Variants in DNAH2 observed in about 807,000 individuals in gnomAD.
The protein encoded by DNAH2 is dynein axonemal heavy chain 2.
DNAH2 carries 323 observed loss-of-function variants against 523.5 expected under a neutral mutation model. The ratio of observed to expected loss-of-function variants is 0.62; its 90% CI spans 0.56 to 0.68. The LOEUF is 0.68. DNAH2 is among the 30% of genes least tolerant of loss of function. The pLI is 0.00. For missense variants in DNAH2, 4,907 were observed against 5,701.5 expected (o/e 0.86, Z 4.49); for synonymous variants, 2,093 against 2,177.4 (o/e 0.96, Z 1.08).
At chr17:7,757,294 C>A in intron 13 of DNAH2, 57 bp downstream of exon 13, 2 of 1,584,228 alleles carry the variant, frequency 1.3e-6, no homozygotes, top group Non-Finnish European at 1.7e-6. Context: ...CCTTCTTTTT[C>A]TCTTATCTGC....
chr17:7,729,426 G>GGTTT (rs988168862), intron 4 of DNAH2, among the ~76,000 whole-genome samples: 1 of 151,548 alleles, frequency 6.6e-6, no homozygotes, highest in Non-Finnish European at 1.5e-5. Context: ...GAGGAGCCTA[G>GGTTT]GTTTGTTTGT....
At chr17:7,771,244 A>G in intron 27 of DNAH2, 86 bp from the exon 28 acceptor site, 1 of 1,571,314 alleles carries the variant, frequency 6.4e-7, no homozygotes, top group Non-Finnish European at 8.7e-7. Flanking sequence ...CTTCTACCCA[A>G]CTGTCACCCA....
chr17:7,774,940 A>G lies in DNAH2; in HGVS notation c.4683A>G (p.Lys1561=). 1 of 1,614,130 alleles carries G rather than the reference A, an allele frequency of 6.2e-7. No homozygotes were observed. The highest frequency in any genetic ancestry group is 8.5e-7 in the Non-Finnish European group (1 of 1,180,036). Residue 1561 remains lysine (K), a synonymous_variant, in exon 29 of 86, where the codon AAA becomes AAG. Transcript: ENST00000572933. ...AGGCTGTGCAGCCACACCTCAAAAA[A>G]TGCTTTGACAACATCAAGTTGCTGA... ...NPEAVQPHLK[K]CFDNIKLLRI...
Position 7,801,611 on chromosome 17 carries a change from C to A in DNAH2, c.8733C>A (p.Asn2911Lys), listed in dbSNP as rs2077224246. 6.2e-7 allele frequency: 1 copy of A among 1,614,246 alleles called. No individual in the cohort carries two copies. The highest frequency in any genetic ancestry group is 8.5e-7 in the Non-Finnish European group (1 of 1,180,042). ...NWIRQYPALV[N>K]CTTINWFSEW... ...TCCGCCAGTACCCAGCCTTGGTGAA[C>A]TGCACAACCATCAACTGGTTCTCAG... Residue 2911 changes from asparagine to lysine, a missense_variant, in exon 57 of 86, where the codon AAC becomes AAA. Physicochemically the swap from Asn to Lys is moderately conservative, Grantham distance 94 (BLOSUM62 0). This residue lies in a region of DNAH2 where 1,851 missense variants were observed against 2,139.4 expected (regional missense o/e 0.87). Transcript: ENST00000572933.
chr17:7,750,425 GT>G (rs1174541206), intron 12 of DNAH2, among the ~76,000 whole-genome samples: 1 of 152,122 alleles, frequency 6.6e-6, no homozygotes, highest in Non-Finnish European at 1.5e-5. Context: ...TTGATTTCAT[GT>G]TTCCTTTGTC....
rs1459042921 is a variant in DNAH2, at chr17:7,791,936, A to T, written c.6920A>T (p.Glu2307Val). ...PENGVNPADG[E>V]NYVTMVEMTF... is the part of the protein sequence containing the mutation. The stretch of plus-strand genomic sequence containing the variant: ...ATCCAGGTGAACCCAGCTGACGGCG[A>T]GAACTATGTCACCATGGTAGAGATG... Residue 2307 changes from glutamate (E) to valine (V), a missense_variant, in exon 45 of 86, where the codon GAG (glutamate) becomes GTG (valine). Glu to Val is a moderately radical substitution (Grantham distance 121). Transcript: ENST00000572933. The T allele has an allele frequency of 6.2e-7, 1 of 1,613,706 alleles. No homozygotes were observed. Among genetic ancestry groups the T allele is most frequent in the South Asian group, 1.1e-5 (1 of 91,038 alleles).
chr17:7,759,857 T>C lies in DNAH2; in HGVS notation c.2704T>C (p.Ser902Pro), dbSNP rs768036661. 2.5e-6 allele frequency: 4 copies of C among 1,614,196 alleles called. No individual in the cohort carries two copies. In the African/African-American group the frequency reaches 5.3e-5, roughly 22 times the overall value. Residue 902 changes from serine (S) to proline (P), a missense_variant, in exon 17 of 86, where the codon TCC becomes CCC. This residue lies in a region of DNAH2 where 2,806 missense variants were observed against 3,190.8 expected (regional missense o/e 0.88). Coordinates refer to ENST00000572933, the MANE Select transcript of DNAH2 (RefSeq NM_020877.5). ...CAATGACATTGGCAACCACCTCTTT[T>C]CCACCATCTCTGTCTTCTGCCACCT... ...VVNDIGNHLFSTISVFCHLPD... is the reference protein window; with the variant it reads ...VVNDIGNHLFPTISVFCHLPD...
intron 11 of DNAH2, among the ~76,000 whole-genome samples, chr17:7,742,060 T>C (rs548368252): frequency 6.6e-6 from 1 of 152,152 alleles, no homozygotes; most frequent in Non-Finnish European, 1.5e-5. Context: ...TCCAGAGACC[T>C]GGACAGGTGA....
At position 7,759,511 on chromosome 17, in the gene DNAH2, A is replaced by T; in HGVS notation, c.2538A>T (p.Glu846Asp). Reference sequence around the variant, plus strand: ...TGAATGTGAAGTGGTCACTGCTAGAACTATCCAAGGCTATCAACGGGGATG... The same window carrying T: ...TGAATGTGAAGTGGTCACTGCTAGATCTATCCAAGGCTATCAACGGGGATG... ...LRLNVKWSLLELSKAINGDGK... is the reference protein window; with the variant it reads ...LRLNVKWSLLDLSKAINGDGK... The change falls in exon 16 of 86, where the codon GAA becomes GAT. Residue 846 changes from glutamate (E) to aspartate (D), a missense_variant. By Grantham distance (45) the Glu-to-Asp change is conservative. Coordinates refer to ENST00000572933, the MANE Select transcript of DNAH2 (RefSeq NM_020877.5). 6.2e-7 allele frequency: 1 copy of T among 1,614,138 alleles called. No individual in the cohort carries two copies. The highest frequency in any genetic ancestry group is 1.7e-5 in the Admixed American group (1 of 60,010).
chr17:7,735,639 A>G (rs2075119951), intron 7 of DNAH2, among the ~76,000 whole-genome samples: 1 of 150,386 alleles, frequency 6.6e-6, no homozygotes, highest in Non-Finnish European at 1.5e-5. Flanking sequence ...GGATTTTGCT[A>G]TGTTGCCCAG....
Position 7,817,304 on chromosome 17 carries a change from C to T in DNAH2, c.9909C>T (p.Asp3303=). 6.2e-7 allele frequency: 1 copy of T among 1,600,648 alleles called. No individual in the cohort carries two copies. The highest frequency in any genetic ancestry group is 8.5e-7 in the Non-Finnish European group (1 of 1,176,406). ...WEETVQGLEE[D]LGYLVGDCLL... ...CTGTCCGCCAGGGCCTGGAGGAGGACCTGGGCTACCTGGTGGGGGACTGTC... is the reference window on the plus strand; with the variant it reads ...CTGTCCGCCAGGGCCTGGAGGAGGATCTGGGCTACCTGGTGGGGGACTGTC... Residue 3303 remains aspartate (D), a synonymous_variant, in exon 65 of 86, where the codon GAC becomes GAT. Coordinates refer to ENST00000572933, the MANE Select transcript of DNAH2 (RefSeq NM_020877.5).
chr17:7,738,210 G>C, intron 8 of DNAH2: 1 of 658,998 alleles, frequency 1.5e-6, no homozygotes. Flanking sequence ...TGTACACTTT[G>C]TTTAGCCTCT....
chr17:7,737,028 T>C (rs2151144155), intron 7 of DNAH2, 39 bp from the exon 8 acceptor site: 2 of 1,549,160 alleles, frequency 1.3e-6, no homozygotes, highest in South Asian at 1.1e-5. Context: ...CAGTGCTTTC[T>C]AGTGCATAAA....
At chr17:7,773,159 G>A (rs1470684276) in intron 28 of DNAH2, among the ~76,000 whole-genome samples, 1 of 152,192 alleles carries the variant, frequency 6.6e-6, no homozygotes, top group Admixed American at 6.5e-5. Context: ...ATGACAGTAA[G>A]TGAAAGAACT....
chr17:7,719,930 A>C (rs760300220), intron 2 of DNAH2, 30 bp downstream of exon 2: 1 of 1,474,602 alleles, frequency 6.8e-7, no homozygotes, highest in Non-Finnish European at 9.0e-7. Flanking sequence ...GAGGATGCTT[A>C]GCAATGGAGG....
intron 64 of DNAH2, 34 bp from the exon 65 acceptor site, chr17:7,817,256 C>A: frequency 6.3e-7 from 1 of 1,575,984 alleles, no homozygotes; most frequent in Non-Finnish European, 8.6e-7. Context: ...AGTGCTGGGG[C>A]CCAGGCAGGC....
chr17:7,813,218 T>C (rs1475300440), intron 63 of DNAH2, among the ~76,000 whole-genome samples: 2 of 152,044 alleles, frequency 1.3e-5, no homozygotes, highest in African/African-American at 2.4e-5. Flanking sequence ...GACGTGCTTA[T>C]GCCTGTATAC....
chr17:7,719,657 G>A (rs993413272), intron 1 of DNAH2, 64 bp from the exon 2 acceptor site: 15 of 1,587,254 alleles, frequency 9.5e-6, no homozygotes, highest in Non-Finnish European at 1.3e-5. Flanking sequence ...GGGACTGCTT[G>A]TATCAGGGGG....
At chr17:7,830,004 C>A (rs1289388113) in intron 77 of DNAH2, among the ~76,000 whole-genome samples, 1 of 118,236 alleles carries the variant, frequency 8.5e-6, no homozygotes, top group Non-Finnish European at 1.6e-5. Context: ...CCAGCCTGGG[C>A]AACAACAGCG....
Sources: gnomAD v4.1 joint callset for allele counts (sites outside exome capture counted in the v4.1 genomes callset) on GRCh38, gnomAD v4.1.1 for gene constraint, gnomAD v4.1.1 regional missense constraint, MANE v1.5 for transcripts, NCBI Gene and HGNC (gene_info 2026-07-23, HGNC 2026-07-21) for gene names.